ZFHX3: variants seen among roughly 807,000 people sequenced by gnomAD.
ZFHX3 encodes zinc finger homeobox protein 3.
Under a neutral mutation model 279.1 loss-of-function variants are expected in ZFHX3, and 42 were observed. That is an observed-to-expected ratio of 0.15 (90% CI 0.12 to 0.19). The LOEUF (loss-of-function observed/expected upper bound fraction) is 0.19. ZFHX3 is among the 10% of genes least tolerant of loss of function. ZFHX3 has a pLI of 1.00. For synonymous variants in ZFHX3, 2,293 were observed against 1,957.8 expected, an observed-to-expected ratio of 1.17 and a Z score of -4.52; for missense variants, 4,981 against 4,754.0, an observed-to-expected ratio of 1.05 and a Z score of -1.40.
Position 73,868,664 on chromosome 16 carries a change from T to C in ZFHX3, c.-1608+22987A>G, listed in dbSNP as rs565103436. On this transcript the variant is annotated intron_variant, in intron 1 of 17. Transcript: ENST00000641206. ...TTACTTCCCCTTAAGGACAACTCCT[T>C]AGACACTGTAAAAAACCTAAGCATA... Among the ~76,000 whole-genome samples the C allele has an allele frequency of 3.3e-5, 5 of 152,328 alleles. No homozygotes were observed. The East Asian group carries it at 9.6e-4, about 29-fold the overall frequency.
intron 2 of ZFHX3, among the ~76,000 whole-genome samples, chr16:73,664,992 A>T (rs976187076): frequency 6.6e-6 from 1 of 152,176 alleles, no homozygotes; most frequent in Non-Finnish European, 1.5e-5. Context: ...AGATGTATTT[A>T]TTCATTTATT....
chr16:73,241,504 T>C (rs913584537), intron 5 of ZFHX3, among the ~76,000 whole-genome samples: 7 of 151,706 alleles, frequency 4.6e-5, no homozygotes, highest in Non-Finnish European at 1.0e-4. Context: ...AAAAGGAGGG[T>C]TGGGGGCCGG....
chr16:73,451,795 G>A (rs187888600), intron 3 of ZFHX3, among the ~76,000 whole-genome samples: 1 of 152,290 alleles, frequency 6.6e-6, no homozygotes, highest in East Asian at 1.9e-4. Flanking sequence ...AGCAGAAAAT[G>A]ACTATAACAA....
At chr16:73,727,405 A>G (rs1331790432) in intron 1 of ZFHX3, among the ~76,000 whole-genome samples, 2 of 152,226 alleles carry the variant, frequency 1.3e-5, no homozygotes, top group African/African-American at 2.4e-5. Context: ...ACAACCTTCC[A>G]TGAAAGGGTG....
intron 3 of ZFHX3, among the ~76,000 whole-genome samples, chr16:73,344,475 C>T (rs780559622): frequency 3.3e-5 from 5 of 152,188 alleles, no homozygotes; most frequent in Admixed American, 6.5e-5. Context: ...GGATAAAGCA[C>T]ATTCTTGGAA....
chr16:73,266,025 G>A (rs559898039), intron 4 of ZFHX3, among the ~76,000 whole-genome samples: 2 of 152,330 alleles, frequency 1.3e-5, no homozygotes, highest in African/African-American at 4.8e-5. Context: ...CAGCAATGGG[G>A]AAGTCCGTTT....
intron 3 of ZFHX3, among the ~76,000 whole-genome samples, chr16:73,371,522 G>A (rs2016630491): frequency 6.6e-6 from 1 of 151,808 alleles, no homozygotes; most frequent in South Asian, 2.1e-4. Flanking sequence ...TACCAGGTAA[G>A]TTAAGTGAGT....
At position 73,353,447 on chromosome 16, in the gene ZFHX3, T is replaced by C. The variant is rs566087488; in HGVS notation, c.-1290-35111A>G. Among the ~76,000 whole-genome samples the C allele has an allele frequency of 5.9e-4, 90 of 152,256 alleles. 1 individual carries two copies. The highest frequency in any genetic ancestry group is 5.8e-3 in the Admixed American group (88 of 15,294). ...ATTTCTGAAGCCCAAACTAACACAA[T>C]AGTGTTATTAGCAATAAGATTGATA... On this transcript the variant is annotated intron_variant, in intron 3 of 17. Transcript: ENST00000641206.
chr16:72,838,735 G>A (rs527614707), intron 4 of ZFHX3, among the ~76,000 whole-genome samples: 2 of 152,284 alleles, frequency 1.3e-5, no homozygotes, highest in South Asian at 4.1e-4. Flanking sequence ...GGGAGGAAAC[G>A]CCTAGAGCCA....
At chr16:72,920,361 T>C (rs1231536744) in intron 3 of ZFHX3, among the ~76,000 whole-genome samples, 2 of 152,052 alleles carry the variant, frequency 1.3e-5, no homozygotes, top group African/African-American at 4.8e-5. Flanking sequence ...CTGGATTCCA[T>C]TATGATTAGG....
intron 9 of ZFHX3, chr16:72,789,870 C>G (rs966747543): frequency 6.6e-6 from 1 of 152,134 alleles, no homozygotes; most frequent in African/African-American, 2.4e-5. Flanking sequence ...GAGAAACAAC[C>G]GCAGGAAAAG....
intron 3 of ZFHX3, among the ~76,000 whole-genome samples, chr16:73,376,027 A>T (rs1395865996): frequency 6.6e-6 from 1 of 152,194 alleles, no homozygotes; most frequent in African/African-American, 2.4e-5. Context: ...CTGAAGTCAG[A>T]TGTACAAAAG....
At chr16:73,006,631 G>GA (rs924142553) in intron 1 of ZFHX3, among the ~76,000 whole-genome samples, 9 of 146,272 alleles carry the variant, frequency 6.2e-5, no homozygotes, top group Non-Finnish European at 7.5e-5. Context: ...AGAAAGAAAA[G>GA]AAAAAAAAGA....
chr16:73,459,621 GC>G (rs2018438204), intron 2 of ZFHX3, among the ~76,000 whole-genome samples: 1 of 152,180 alleles, frequency 6.6e-6, no homozygotes, highest in South Asian at 2.1e-4. Context: ...GCCCGCCTTG[GC>G]CCTGCAAAGT....
At chr16:72,900,882 G>A (rs1444446329) in intron 3 of ZFHX3, among the ~76,000 whole-genome samples, 1 of 152,214 alleles carries the variant, frequency 6.6e-6, no homozygotes, top group Non-Finnish European at 1.5e-5. Flanking sequence ...CGGAATACCT[G>A]GAGATGTTCT....
intron 2 of ZFHX3, among the ~76,000 whole-genome samples, chr16:73,562,726 AAGAAC>A (rs929745923): frequency 1.3e-5 from 2 of 152,114 alleles, no homozygotes; most frequent in African/African-American, 4.8e-5. Context: ...CAAAAAAAAA[AAGAAC>A]AGACAAAATT....
At chr16:73,474,576 G>T (rs1368735875) in intron 2 of ZFHX3, among the ~76,000 whole-genome samples, 1 of 152,176 alleles carries the variant, frequency 6.6e-6, no homozygotes, top group Non-Finnish European at 1.5e-5. Flanking sequence ...GGCAGTGGAG[G>T]CAGCAGCTTG....
Position 72,798,717 on chromosome 16 carries a change from G to A in ZFHX3, c.3968-3C>T, listed in dbSNP as rs769449701. ...CTTTCCCAGATCCTCTGAGGTTTCT[G>A]TTAAAAAAAAAAAAAAAATCAAACC... is the stretch of plus-strand genomic sequence containing the variant. On this transcript the variant is annotated splice_polypyrimidine_tract_variant and splice_region_variant and intron_variant, in intron 8 of 9. Transcript: ENST00000268489. 2.1e-6 allele frequency: 3 copies of A among 1,439,592 alleles called. No individual in the cohort carries two copies. Among genetic ancestry groups the A allele is most frequent in the African/African-American group, 1.5e-5 (1 of 65,798 alleles). The allele number at this position is 1,439,592 out of a possible 1,614,324, so 89.2% of individuals were successfully genotyped here.
intron 3 of ZFHX3, among the ~76,000 whole-genome samples, chr16:73,337,762 T>G (rs893328457): frequency 6.6e-6 from 1 of 151,820 alleles, no homozygotes; most frequent in Non-Finnish European, 1.5e-5. Context: ...ACCCTGGACC[T>G]TGTCATCACC....
Sources: allele counts gnomAD v4.1 joint callset (sites outside exome capture counted in the v4.1 genomes callset), GRCh38; gene constraint gnomAD v4.1.1; transcripts MANE v1.5; gene names NCBI Gene and HGNC (gene_info 2026-07-23, HGNC 2026-07-21).